KCNN2: variants seen among roughly 807,000 people sequenced by gnomAD.
KCNN2 encodes potassium calcium-activated channel subfamily N member 2, also known as small conductance calcium-activated potassium channel protein 2.
A neutral mutation model predicts 55.5 loss-of-function variants in KCNN2; 24 were observed. The observed-to-expected ratio is 0.43, with a 90% confidence interval of 0.31 to 0.61. The LOEUF (loss-of-function observed/expected upper bound fraction) is 0.61. Ranked by LOEUF, KCNN2 falls within the 20% of genes least tolerant of loss-of-function variation. The pLI, the probability that KCNN2 is intolerant of heterozygous loss-of-function variation, is 0.08. For synonymous variants in KCNN2, 431 were observed against 336.1 expected (o/e 1.28, Z -3.09); for missense variants, 754 against 853.6 (o/e 0.88, Z 1.45).
chr5:114,248,711 T>G (rs146190812), intron 2 of KCNN2, among the ~76,000 whole-genome samples: 2,037 of 152,292 alleles, frequency 0.013, 22 homozygotes, highest in Non-Finnish European at 0.021. Context: ...CATAGTGATT[T>G]CTGACCATAG....
At chr5:114,416,780 T>G (rs1759320063) in intron 3 of KCNN2, among the ~76,000 whole-genome samples, 1 of 152,220 alleles carries the variant, frequency 6.6e-6, no homozygotes, top group Non-Finnish European at 1.5e-5. Context: ...CGGACTTTTG[T>G]ATTTAATGTT....
intron 2 of KCNN2, among the ~76,000 whole-genome samples, chr5:114,350,634 T>A (rs867605277): frequency 6.6e-6 from 1 of 151,946 alleles, no homozygotes. Flanking sequence ...TTTGTTTGCA[T>A]TGTGTAAAGA....
chr5:114,475,669 A>ACGAAATCTCAGATG (rs1297307260), intron 5 of KCNN2, among the ~76,000 whole-genome samples: 1 of 152,102 alleles, frequency 6.6e-6, no homozygotes, highest in Non-Finnish European at 1.5e-5. Flanking sequence ...AGAAAATCAG[A>ACGAAATCTCAGATG]CGAAATCTCA....
At chr5:114,173,909 T>A (rs954099116) in intron 1 of KCNN2, among the ~76,000 whole-genome samples, 3 of 151,988 alleles carry the variant, frequency 2.0e-5, no homozygotes, top group Admixed American at 2.0e-4. Flanking sequence ...AAAATAATGT[T>A]TTTTATTTTA....
intron 2 of KCNN2, among the ~76,000 whole-genome samples, chr5:114,224,991 C>G (rs184072083): frequency 1.7e-4 from 26 of 152,150 alleles, no homozygotes; most frequent in Admixed American, 1.1e-3. Flanking sequence ...AGAAAGATGA[C>G]CAGACAAGCA....
At chr5:114,185,457 A>G (rs770241660) in intron 1 of KCNN2, among the ~76,000 whole-genome samples, 4 of 152,204 alleles carry the variant, frequency 2.6e-5, no homozygotes, top group Admixed American at 2.6e-4. Context: ...AGTTCATGAC[A>G]TTTGCAGCAG....
At chr5:114,458,972 A>C (rs1046259504) in intron 3 of KCNN2, among the ~76,000 whole-genome samples, 1 of 152,258 alleles carries the variant, frequency 6.6e-6, no homozygotes, top group African/African-American at 2.4e-5. Context: ...CGCAGGCCAG[A>C]GGCCATCACT....
intron 1 of KCNN2, among the ~76,000 whole-genome samples, chr5:114,176,009 T>C (rs1753124660): frequency 6.6e-6 from 1 of 152,218 alleles, no homozygotes; most frequent in South Asian, 2.1e-4. Flanking sequence ...TTACATTTCA[T>C]GTGCAATTGT....
chr5:114,420,714 A>G (rs1188798842), intron 3 of KCNN2, among the ~76,000 whole-genome samples: 1 of 152,236 alleles, frequency 6.6e-6, no homozygotes, highest in African/African-American at 2.4e-5. Context: ...CTTTAAATTA[A>G]GAAAGCATTC....
At chr5:114,481,401 A>T (rs982250913) in intron 5 of KCNN2, among the ~76,000 whole-genome samples, 11 of 152,134 alleles carry the variant, frequency 7.2e-5, no homozygotes, top group African/African-American at 2.2e-4. Flanking sequence ...AATCAATATC[A>T]TGAAAATAGC....
chr5:114,449,908 A>ACACACACGCGCGCG lies in KCNN2; in HGVS notation c.1638-13140_1638-13139insACACACGCGCGCGC, dbSNP rs1309590184. On this transcript the variant is annotated intron_variant, in intron 3 of 7. Coordinates refer to ENST00000673685, the MANE Select transcript of KCNN2 (RefSeq NM_021614.4). ...CACACACACACACACACACACACAC[A>ACACACACGCGCGCG]CGCGCGCGCTCGCGTGCGCGCACTC... 8.8e-4 allele frequency among the ~76,000 whole-genome samples: 58 copies of ACACACACGCGCGCG among 66,170 alleles called. 1 individual carries two copies. Among genetic ancestry groups the ACACACACGCGCGCG allele is most frequent in the African/African-American group, 1.9e-3 (55 of 28,690 alleles). 43.4% of individuals were successfully genotyped at this position (66,170 alleles called of 152,430 possible).
intron 3 of KCNN2, among the ~76,000 whole-genome samples, chr5:114,440,695 G>A (rs1012742565): frequency 6.9e-6 from 1 of 145,238 alleles, no homozygotes; most frequent in East Asian, 2.3e-4. Flanking sequence ...GGTGGGGGGG[G>A]CTTTGAATTC....
chr5:114,225,732 T>C (rs1276221192), intron 2 of KCNN2, among the ~76,000 whole-genome samples: 3 of 151,968 alleles, frequency 2.0e-5, no homozygotes, highest in African/African-American at 7.3e-5. Flanking sequence ...CAAAAAGAGA[T>C]TCTAAAAGGG....
chr5:114,149,814 G>A (rs1330405914), intron 1 of KCNN2, among the ~76,000 whole-genome samples: 20 of 152,162 alleles, frequency 1.3e-4, no homozygotes, highest in Admixed American at 9.8e-4. Flanking sequence ...GAAACAGGAC[G>A]TGAAGCTAGA....
chr5:114,072,782 A>G (rs1750604301), intron 1 of KCNN2, among the ~76,000 whole-genome samples: 1 of 152,202 alleles, frequency 6.6e-6, no homozygotes, highest in Non-Finnish European at 1.5e-5. Flanking sequence ...TCTGTGCCTC[A>G]GTTTATTCAT....
At chr5:114,416,571 T>C (rs1759312317) in intron 3 of KCNN2, among the ~76,000 whole-genome samples, 1 of 152,172 alleles carries the variant, frequency 6.6e-6, no homozygotes, top group South Asian at 2.1e-4. Flanking sequence ...ATGTGGCAAT[T>C]GATTTTGACA....
At chr5:114,111,094 A>G (rs1224154244) in intron 1 of KCNN2, among the ~76,000 whole-genome samples, 2 of 152,176 alleles carry the variant, frequency 1.3e-5, no homozygotes, top group African/African-American at 4.8e-5. Flanking sequence ...ACGAGGCTCT[A>G]GTAACAAAAA....
chr5:114,161,011 G>T (rs1752765715), intron 1 of KCNN2, among the ~76,000 whole-genome samples: 2 of 152,064 alleles, frequency 1.3e-5, no homozygotes, highest in African/African-American at 4.8e-5. Context: ...TACATTTAAG[G>T]TTTGTATTGT....
intron 1 of KCNN2, among the ~76,000 whole-genome samples, chr5:114,154,256 T>A (rs968875742): frequency 6.6e-6 from 1 of 152,092 alleles, no homozygotes; most frequent in Admixed American, 6.6e-5. Context: ...CCCTGAGAAA[T>A]ACCAGTGTTA....
Sources: allele counts gnomAD v4.1 joint callset (sites outside exome capture counted in the v4.1 genomes callset), GRCh38; gene constraint gnomAD v4.1.1; transcripts MANE v1.5; gene names NCBI Gene and HGNC (gene_info 2026-07-23, HGNC 2026-07-21).